Variants in ATXN2 observed in about 807,000 individuals in gnomAD.
The protein encoded by ATXN2 is ataxin 2, also known as ataxin-2.
Under a neutral mutation model 138.6 loss-of-function variants are expected in ATXN2, and 37 were observed. The observed-to-expected ratio is 0.27, with a 90% CI of 0.21 to 0.35. ATXN2 has a LOEUF of 0.35. Among genes scored for constraint, ATXN2 ranks in the 10% least tolerant of loss-of-function variants. The pLI, the probability that ATXN2 is intolerant of heterozygous loss-of-function variation, is 1.00. For synonymous variants in ATXN2, 549 were observed against 543.7 expected (o/e 1.01, Z -0.13); for missense variants, 1,216 against 1,480.3 (o/e 0.82, Z 2.93).
chr12:111,598,844 G>GCCGAGGACGAGGAGA lies in ATXN2; in HGVS notation c.176_190dup (p.Val59_Ser63dup), dbSNP rs778119853. Reference sequence around the variant, plus strand: ...CGCGACCACCGAGGAGGGAGCCGTGGCCGAGGACGAGGAGACCGAGGACGA... The same window carrying GCCGAGGACGAGGAGA: ...CGCGACCACCGAGGAGGGAGCCGTGGCCGAGGACGAGGAGACCGAGGACGAGGAGACCGAGGACGA... On this transcript the variant is annotated inframe_insertion, in exon 1 of 25. Transcript: ENST00000673436. This position sits in a 1 kb window ranked among gnomAD's most constrained non-coding sequence, Gnocchi z 4.5. The GCCGAGGACGAGGAGA allele has an allele frequency of 5.9e-4, 875 of 1,472,762 alleles. 1 individual carries two copies. The highest frequency in any genetic ancestry group is 7.5e-4 in the African/African-American group (51 of 67,866). 91.2% of individuals were successfully genotyped at this position (1,472,762 alleles called of 1,614,324 possible).
intron 9 of ATXN2, among the ~76,000 whole-genome samples, chr12:111,517,753 CAT>C (rs956082035): frequency 1.3e-4 from 20 of 152,258 alleles, no homozygotes; most frequent in South Asian, 6.2e-4. Context: ...ACTTTCTTCA[CAT>C]GACTCTTGAT....
intron 1 of ATXN2, among the ~76,000 whole-genome samples, chr12:111,597,521 G>A (rs1487448728): frequency 1.3e-5 from 2 of 152,170 alleles, no homozygotes; most frequent in African/African-American, 2.4e-5. Flanking sequence ...CGAAGTTAAG[G>A]ACACCGGCCA....
intron 9 of ATXN2, among the ~76,000 whole-genome samples, chr12:111,517,634 T>C (rs1044428617): frequency 6.6e-6 from 1 of 152,108 alleles, no homozygotes; most frequent in South Asian, 2.1e-4. Flanking sequence ...GAGTAAAAAA[T>C]GTCTTCCTAC....
At chr12:111,537,861 T>C (rs1169658605) in intron 5 of ATXN2, among the ~76,000 whole-genome samples, 1 of 151,838 alleles carries the variant, frequency 6.6e-6, no homozygotes. Flanking sequence ...TTTGGGAGGC[T>C]GGGGCAGGAG....
chr12:111,566,236 C>T (rs1882996824), intron 1 of ATXN2, among the ~76,000 whole-genome samples: 1 of 151,844 alleles, frequency 6.6e-6, no homozygotes, highest in Non-Finnish European at 1.5e-5. Flanking sequence ...AGTTCAAGAC[C>T]AGCCTGACCA....
intron 20 of ATXN2, among the ~76,000 whole-genome samples, chr12:111,467,001 T>C (rs1211765034): frequency 6.6e-6 from 1 of 152,146 alleles, no homozygotes; most frequent in Non-Finnish European, 1.5e-5. Flanking sequence ...AGAATGTACT[T>C]CAAATTTTGT....
Position 111,591,615 on chromosome 12 carries a change from G to A in ATXN2, c.251+7169C>T, listed in dbSNP as rs1179473239. Among the ~76,000 whole-genome samples, 3 of 152,124 alleles carry A rather than the reference G, an allele frequency of 2.0e-5. No individual in the cohort carries two copies. The South Asian group carries it at 6.2e-4, about 31-fold the overall frequency. On this transcript the variant is annotated intron_variant, in intron 1 of 24. Transcript: ENST00000673436. ...ATAGATTGAGGCTGCACTCCAGCCTGGGTGACAGAGGGAGACCTTGACTCT... is the reference window on the plus strand; with the variant it reads ...ATAGATTGAGGCTGCACTCCAGCCTAGGTGACAGAGGGAGACCTTGACTCT...
In ATXN2 at chr12:111,483,196, C is replaced by CACAT. The variant is rs1259047410; in HGVS notation, c.2524+2068_2524+2069insATGT. Among the ~76,000 whole-genome samples, 129 of 111,324 alleles carry CACAT rather than the reference C, an allele frequency of 1.2e-3. No individual in the cohort carries two copies. The Middle Eastern group carries it at 0.012, about 10-fold the overall frequency. 73.0% of individuals were successfully genotyped at this position (111,324 alleles called of 152,430 possible). ...AGCAAGACCCTGTATCAAACACATA[C>CACAT]ACACACACACACACACACACACACA... On this transcript the variant is annotated intron_variant, in intron 18 of 24. Coordinates refer to ENST00000673436, the MANE Select transcript of ATXN2 (RefSeq NM_001372574.1).
chr12:111,599,378 GC>G (rs1336203388), upstream of ATXN2: 18 of 1,161,414 alleles, frequency 1.5e-5, no homozygotes, highest in African/African-American at 3.3e-5. Flanking sequence ...CGGTCCCGGG[GC>G]CGCGCCACCG....
intron 21 of ATXN2, among the ~76,000 whole-genome samples, chr12:111,463,251 T>G (rs1875729453): frequency 6.6e-6 from 1 of 152,168 alleles, no homozygotes; most frequent in Non-Finnish European, 1.5e-5. Context: ...CTACAAATAT[T>G]AGTACTCCTT....
At chr12:111,567,991 TG>T (rs1241889468) in intron 1 of ATXN2, among the ~76,000 whole-genome samples, 2 of 152,166 alleles carry the variant, frequency 1.3e-5, no homozygotes, top group African/African-American at 2.4e-5. Context: ...CCGGGCGCAG[TG>T]GCTCACACCT....
chr12:111,470,789 A>G (rs755142051), intron 18 of ATXN2, 47 bp from the exon 19 acceptor site: 9 of 1,589,288 alleles, frequency 5.7e-6, no homozygotes, highest in South Asian at 1.1e-5. Context: ...TCTCCACAGC[A>G]TAATACATGT....
chr12:111,504,948 T>A (rs866086971), intron 14 of ATXN2, among the ~76,000 whole-genome samples: 1 of 151,996 alleles, frequency 6.6e-6, no homozygotes, highest in Non-Finnish European at 1.5e-5. Context: ...TCAGGGCGAG[T>A]CCGCAGTGCA....
At chr12:111,520,343 A>AT (rs1172876793) in intron 7 of ATXN2, among the ~76,000 whole-genome samples, 1 of 152,150 alleles carries the variant, frequency 6.6e-6, no homozygotes, top group Non-Finnish European at 1.5e-5. Context: ...AAATTTAGAT[A>AT]TTTTTTAACA....
intron 5 of ATXN2, among the ~76,000 whole-genome samples, chr12:111,530,543 G>A (rs978916152): frequency 6.6e-6 from 1 of 152,214 alleles, no homozygotes; most frequent in Non-Finnish European, 1.5e-5. Context: ...AGCTGGGAGC[G>A]GTGGCTCACG....
chr12:111,536,196 T>C (rs1027974944), intron 5 of ATXN2, among the ~76,000 whole-genome samples: 8 of 152,196 alleles, frequency 5.3e-5, no homozygotes, highest in African/African-American at 1.9e-4. Context: ...CAAGATTGAC[T>C]GAAAATGAGA....
intron 11 of ATXN2, 27 bp downstream of exon 11, chr12:111,513,330 C>G: frequency 6.2e-7 from 1 of 1,604,654 alleles, no homozygotes; most frequent in Non-Finnish European, 8.5e-7. Flanking sequence ...AAAATGAGTA[C>G]CATCATTATG....
chr12:111,597,843 G>A (rs1473789438), intron 1 of ATXN2: 7 of 1,284,124 alleles, frequency 5.5e-6, no homozygotes, highest in South Asian at 1.2e-5. Flanking sequence ...AAGTGCGCAG[G>A]GTGCCCGCCC....
chr12:111,585,002 T>G (rs1305207410), intron 1 of ATXN2, among the ~76,000 whole-genome samples: 1 of 152,186 alleles, frequency 6.6e-6, no homozygotes, highest in Non-Finnish European at 1.5e-5. Context: ...TCTTATTCTT[T>G]TTCATTTTTC....
Sources: gnomAD v4.1 joint callset for allele counts (sites outside exome capture counted in the v4.1 genomes callset) on GRCh38, gnomAD v4.1.1 for gene constraint, Gnocchi (gnomAD v3.1) non-coding constraint, MANE v1.5 for transcripts, NCBI Gene and HGNC (gene_info 2026-07-23, HGNC 2026-07-21) for gene names.